The following FAM20B variants were observed in gnomAD, a reference collection of about 807,000 sequenced individuals.
FAM20B encodes FAM20B glycosaminoglycan xylosylkinase.
FAM20B carries 23 observed loss-of-function variants against 43.8 expected under a neutral mutation model. That is an observed-to-expected ratio of 0.53 (90% CI 0.38 to 0.74). FAM20B has a LOEUF of 0.74. Among genes scored for constraint, FAM20B ranks in the 30% least tolerant of loss-of-function variants. The pLI is 0.00. For synonymous variants in FAM20B, 178 were observed against 192.4 expected (o/e 0.93, Z 0.62); for missense variants, 440 against 510.5 (o/e 0.86, Z 1.33).
chr1:179,028,928 G>A (rs898791156), intron 1 of FAM20B, among the ~76,000 whole-genome samples: 3 of 152,112 alleles, frequency 2.0e-5, no homozygotes, highest in Non-Finnish European at 2.9e-5. Context: ...AATGTGTTTC[G>A]GATTACTGTT....
intron 2 of FAM20B, among the ~76,000 whole-genome samples, chr1:179,045,955 TAATGCACA>T (rs2102500109): frequency 6.6e-6 from 1 of 152,196 alleles, no homozygotes; most frequent in East Asian, 1.9e-4. Context: ...CTAATTTCTG[TAATGCACA>T]CTATTTGCCA....
Position 179,072,065 on chromosome 1 carries a change from C to A in FAM20B, c.1151C>A (p.Ala384Asp). The A allele has an allele frequency of 6.2e-7, 1 of 1,614,158 alleles. No individual in the cohort carries two copies. The highest frequency in any genetic ancestry group is 1.6e-4 in the Middle Eastern group (1 of 6,062). ...GACCAGCGGCTCCTGAGTGTCCTGG[C>A]CACCGTGAAGCAGTGCACCGACCAG... ...AVDQRLLSVL[A>D]TVKQCTDQFG... The change falls in exon 8 of 8, where the codon GCC becomes GAC. Residue 384 changes from alanine to aspartate, a missense_variant. By Grantham distance (126) the Ala-to-Asp change is moderately radical. Transcript: ENST00000263733.
In FAM20B at chr1:179,075,478, G is replaced by A. The variant is rs904836491; in HGVS notation, c.*3334G>A. The A allele has an allele frequency of 6.6e-6, 1 of 152,560 alleles. No homozygotes were observed. Among genetic ancestry groups the A allele is most frequent in the Non-Finnish European group, 1.5e-5 (1 of 68,014 alleles). 9.5% of individuals were successfully genotyped at this position (152,560 alleles called of 1,614,324 possible). ...AGTATAAAGGTTTTGTTATAAAACT[G>A]TTCTTTAGTGTAAGGCTGCATTGTG... On this transcript the variant is annotated 3_prime_UTR_variant, in exon 8 of 8. Transcript: ENST00000263733.
In FAM20B at chr1:179,075,851, ATTC is replaced by A. The variant is rs1402644825; in HGVS notation, c.*3710_*3712del. ...AGCCTTTCTTCTCGATCACCCGTGT[ATTC>A]TTTGACCAGTAAATGACCACACCTC... On this transcript the variant is annotated 3_prime_UTR_variant, in exon 8 of 8. Transcript: ENST00000263733. 6.6e-6 allele frequency: 1 copy of A among 151,772 alleles called. No homozygotes were observed. The highest frequency in any genetic ancestry group is 1.5e-5 in the Non-Finnish European group (1 of 67,974). 9.4% of individuals were successfully genotyped at this position (151,772 alleles called of 1,614,324 possible).
intron 7 of FAM20B, among the ~76,000 whole-genome samples, chr1:179,070,456 A>G (rs896854102): frequency 2.0e-5 from 3 of 150,100 alleles, no homozygotes; most frequent in African/African-American, 7.4e-5. Context: ...CTGTGTCATC[A>G]TGTCACATGG....
chr1:179,041,851 G>A (rs1222397096), intron 1 of FAM20B, among the ~76,000 whole-genome samples: 7 of 152,160 alleles, frequency 4.6e-5, no homozygotes. Flanking sequence ...ATATGCAAAA[G>A]TCCTTTATGG....
intron 1 of FAM20B, chr1:179,035,627 CTT>C (rs1650193920): frequency 6.6e-6 from 3 of 456,962 alleles, no homozygotes; most frequent in Non-Finnish European, 1.2e-5. Context: ...TTTGACATGA[CTT>C]TTGTTCCTTC....
chr1:179,043,549 A>G (rs1650631711), intron 1 of FAM20B, among the ~76,000 whole-genome samples, 166 bp from the exon 2 acceptor site: 2 of 152,224 alleles, frequency 1.3e-5, no homozygotes, highest in Admixed American at 6.5e-5. Flanking sequence ...CACTGCTGCC[A>G]TCATTAGGTC....
rs192137813 is a variant in FAM20B at position 179,071,274 on chromosome 1, C to T, written c.999-639C>T. On this transcript the variant is annotated intron_variant, in intron 7 of 7. Transcript: ENST00000263733. ...TCACACCACTGCACTCCAGCCTGGG[C>T]GACAGAGCAAGACTCTGTCTCAAAA... Among the ~76,000 whole-genome samples the T allele has an allele frequency of 5.3e-3, 802 of 151,776 alleles. 8 individuals carry two copies. Among genetic ancestry groups the T allele is most frequent in the African/African-American group, 0.019 (770 of 41,366 alleles).
At chr1:179,022,996 T>C (rs1336211089), upstream of FAM20B, among the ~76,000 whole-genome samples, 1 of 152,092 alleles carries the variant, frequency 6.6e-6, no homozygotes, top group Non-Finnish European at 1.5e-5. Flanking sequence ...ATCACAACCA[T>C]GAGGGCAGGG....
chr1:179,033,685 C>CTTTCTT (rs1256491271), intron 1 of FAM20B, among the ~76,000 whole-genome samples: 1 of 152,050 alleles, frequency 6.6e-6, no homozygotes, highest in Non-Finnish European at 1.5e-5. Context: ...TTATTTCTTT[C>CTTTCTT]TTTCTTTTTC....
chr1:179,057,067 G>A (rs1651252100), intron 4 of FAM20B, among the ~76,000 whole-genome samples: 1 of 152,128 alleles, frequency 6.6e-6, no homozygotes, highest in Non-Finnish European at 1.5e-5. Context: ...TTCTCCAGCT[G>A]GACACGGTGG....
At chr1:179,056,076 A>G (rs538711419) in intron 4 of FAM20B, among the ~76,000 whole-genome samples, 1 of 152,334 alleles carries the variant, frequency 6.6e-6, no homozygotes, top group East Asian at 1.9e-4. Flanking sequence ...TTCCCCCATT[A>G]TCAACATCTC....
upstream of FAM20B, among the ~76,000 whole-genome samples, chr1:179,024,802 C>T (rs954406564): frequency 1.3e-5 from 2 of 152,172 alleles, no homozygotes; most frequent in African/African-American, 4.8e-5. Context: ...AGAGTACTTT[C>T]CCCATACATT....
At chr1:179,069,355 A>ATTTTGT (rs1008074672) in intron 7 of FAM20B, among the ~76,000 whole-genome samples, 4 of 151,988 alleles carry the variant, frequency 2.6e-5, no homozygotes, top group Admixed American at 1.3e-4. Flanking sequence ...AGCAGAGCAC[A>ATTTTGT]TTTTGTTTTT....
In FAM20B at chr1:179,032,313, C is replaced by CTTTTTT. The variant is rs547439601; in HGVS notation, c.-134+6236_-134+6241dup. ...GCACAACACATGTAGAGGTCTCATT[C>CTTTTTT]TTTTTTTTTTTTTTTTTTTTTTTTT... On this transcript the variant is annotated intron_variant, in intron 1 of 7. Transcript: ENST00000263733. 3.6e-5 allele frequency among the ~76,000 whole-genome samples: 4 copies of CTTTTTT among 111,936 alleles called. 1 individual carries two copies. The highest frequency in any genetic ancestry group is 6.2e-5 in the African/African-American group (2 of 32,024). The allele number at this position is 111,936 out of a possible 152,430, so 73.4% of individuals were successfully genotyped here.
chr1:179,036,146 G>C (rs575727732), intron 1 of FAM20B, among the ~76,000 whole-genome samples: 17 of 152,058 alleles, frequency 1.1e-4, no homozygotes, highest in African/African-American at 3.9e-4. Context: ...AAAAAAGAAA[G>C]TAAGTAAATT....
chr1:179,025,870 C>T (rs1250455803), upstream of FAM20B: 2 of 22,820 alleles, frequency 8.8e-5, no homozygotes, highest in East Asian at 2.7e-3. Context: ...TACCAACAGC[C>T]GGGGGCCTCG....
chr1:179,049,482 C>T (rs1650911313), intron 2 of FAM20B, among the ~76,000 whole-genome samples: 1 of 152,182 alleles, frequency 6.6e-6, no homozygotes, highest in Non-Finnish European at 1.5e-5. Context: ...TTATATCAGA[C>T]TATTTTCCCC....
Sources: gnomAD v4.1 joint callset for allele counts (sites outside exome capture counted in the v4.1 genomes callset) on GRCh38, gnomAD v4.1.1 for gene constraint, MANE v1.5 for transcripts, NCBI Gene and HGNC (gene_info 2026-07-23, HGNC 2026-07-21) for gene names.